The following ARHGAP10 variants were observed in gnomAD, a reference collection of about 807,000 sequenced individuals.
ARHGAP10 encodes Rho GTPase activating protein 10.
In ARHGAP10, 87 loss-of-function variants were observed where a neutral mutation model predicts 108.6. That is an observed-to-expected ratio of 0.80 (90% CI 0.67 to 0.96). The LOEUF (loss-of-function observed/expected upper bound fraction) is 0.96, where lower values mean the gene tolerates loss of function less well. ARHGAP10 is among the 40% of genes least tolerant of loss of function. ARHGAP10 has a pLI of 0.00. For synonymous variants in ARHGAP10, 347 were observed against 341.1 expected (o/e 1.02, Z -0.19); for missense variants, 939 against 954.5 (o/e 0.98, Z 0.21).
intron 1 of ARHGAP10, among the ~76,000 whole-genome samples, chr4:147,780,552 G>A (rs950201133): frequency 2.1e-4 from 5 of 23,970 alleles, no homozygotes; most frequent in Non-Finnish European, 6.3e-4. Context: ...TGGGAAGAAG[G>A]AGACTAGGAA....
intron 1 of ARHGAP10, among the ~76,000 whole-genome samples, chr4:147,809,679 C>G (rs911095689): frequency 6.6e-6 from 1 of 152,130 alleles, no homozygotes; most frequent in Non-Finnish European, 1.5e-5. Context: ...CTTTTCGGCA[C>G]CAGGGACTGG....
In ARHGAP10 at chr4:147,909,722, CTT is replaced by C. The variant is rs1340838617; in HGVS notation, c.1117-7_1117-6del. The C allele has an allele frequency of 3.1e-6, 5 of 1,608,454 alleles. No individual in the cohort carries two copies. Among genetic ancestry groups the C allele is most frequent in the Non-Finnish European group, 4.3e-6 (5 of 1,175,696 alleles). ...TTAAAAAATTCTGTTTTTCCATTCTCTTTTATTAGCTGTCCCATAGTTTTAAT... is the reference window on the plus strand; with the variant it reads ...TTAAAAAATTCTGTTTTTCCATTCTCTTATTAGCTGTCCCATAGTTTTAAT... On this transcript the variant is annotated splice_polypyrimidine_tract_variant and splice_region_variant and intron_variant, in intron 11 of 22. Transcript: ENST00000336498.
At chr4:147,978,052 A>G (rs1739664893) in intron 18 of ARHGAP10, among the ~76,000 whole-genome samples, 1 of 152,078 alleles carries the variant, frequency 6.6e-6, no homozygotes, top group Non-Finnish European at 1.5e-5. Context: ...CATTTTCTTT[A>G]TCCACTCCAC....
chr4:148,011,389 C>G (rs1195249474), intron 18 of ARHGAP10, among the ~76,000 whole-genome samples: 1 of 152,210 alleles, frequency 6.6e-6, no homozygotes, highest in African/African-American at 2.4e-5. Flanking sequence ...CTTCTGCACT[C>G]ACATCTGGTG....
In ARHGAP10 at chr4:148,011,747, A is replaced by C. The variant is rs560515240; in HGVS notation, c.1717-11516A>C. 9.8e-5 allele frequency among the ~76,000 whole-genome samples: 15 copies of C among 152,294 alleles called. No homozygotes were observed. In the East Asian group the frequency reaches 2.9e-3, roughly 29 times the overall value. On this transcript the variant is annotated intron_variant, in intron 18 of 22. Transcript: ENST00000336498. Reference sequence around the variant, plus strand: ...ACAGGTAGTGACTGCTTTATTTCCTAATTGTAAATATAGCCATTTTCTCTT... The same window carrying C: ...ACAGGTAGTGACTGCTTTATTTCCTCATTGTAAATATAGCCATTTTCTCTT...
intron 13 of ARHGAP10, among the ~76,000 whole-genome samples, chr4:147,914,352 T>G (rs1328367426): frequency 2.0e-5 from 3 of 151,948 alleles, no homozygotes; most frequent in African/African-American, 7.3e-5. Context: ...TGCGTTGCAT[T>G]TTTATTTTTA....
intron 3 of ARHGAP10, among the ~76,000 whole-genome samples, chr4:147,836,765 G>T (rs572213827): frequency 6.6e-6 from 1 of 151,850 alleles, no homozygotes; most frequent in Admixed American, 6.5e-5. Flanking sequence ...ATTAGCTTGA[G>T]CTGTGCTTGA....
At chr4:147,850,943 A>G (rs1290577918) in intron 4 of ARHGAP10, among the ~76,000 whole-genome samples, 1 of 152,124 alleles carries the variant, frequency 6.6e-6, no homozygotes, top group Admixed American at 6.5e-5. Context: ...TTGAACAAAA[A>G]CTCTGAGAAA....
chr4:148,070,051 A>G (rs942137010), intron 22 of ARHGAP10, among the ~76,000 whole-genome samples: 4 of 152,246 alleles, frequency 2.6e-5, no homozygotes, highest in Non-Finnish European at 5.9e-5. Flanking sequence ...TTACTCAGTC[A>G]TTACACAGAT....
chr4:147,854,768 T>G, intron 4 of ARHGAP10: 1 of 985,106 alleles, frequency 1.0e-6, no homozygotes, highest in South Asian at 4.7e-5. Flanking sequence ...CGTTTTAAGA[T>G]TCAGAAACAA....
At chr4:148,027,510 C>CA (rs1290456247) in intron 19 of ARHGAP10, among the ~76,000 whole-genome samples, 1 of 151,918 alleles carries the variant, frequency 6.6e-6, no homozygotes, top group Non-Finnish European at 1.5e-5. Context: ...GCCTTCTCAG[C>CA]AAAAAAATGA....
chr4:147,955,459 T>C, intron 16 of ARHGAP10, 85 bp downstream of exon 16: 1 of 1,179,088 alleles, frequency 8.5e-7, no homozygotes, highest in East Asian at 2.4e-5. Flanking sequence ...AAAATTCAAC[T>C]TGTTATTGCA....
At chr4:147,958,832 A>T (rs1177393238) in intron 16 of ARHGAP10, among the ~76,000 whole-genome samples, 1 of 152,206 alleles carries the variant, frequency 6.6e-6, no homozygotes, top group African/African-American at 2.4e-5. Flanking sequence ...AAGCTCCATG[A>T]TCACATCTTT....
At chr4:147,862,634 A>G (rs1734372350) in intron 5 of ARHGAP10, 1 of 152,276 alleles carries the variant, frequency 6.6e-6, no homozygotes, top group Non-Finnish European at 1.5e-5. Flanking sequence ...AGCATGTGGC[A>G]CAACAGTTCT....
At chr4:147,795,608 G>A (rs116331883) in intron 1 of ARHGAP10, among the ~76,000 whole-genome samples, 2,181 of 152,094 alleles carry the variant, frequency 0.014, 54 homozygotes, top group African/African-American at 0.049. Flanking sequence ...TGCTTGGTAC[G>A]TAGTAGGTGC....
Position 148,064,405 on chromosome 4 carries a change from T to G in ARHGAP10, c.2181-11T>G, listed in dbSNP as rs1401274854. The G allele has an allele frequency of 9.9e-6, 16 of 1,612,928 alleles. No individual in the cohort carries two copies. Among genetic ancestry groups the G allele is most frequent in the Non-Finnish European group, 1.4e-5 (16 of 1,179,428 alleles). On this transcript the variant is annotated splice_polypyrimidine_tract_variant and intron_variant, in intron 21 of 22. Coordinates refer to ENST00000336498, the MANE Select transcript of ARHGAP10 (RefSeq NM_024605.4). Reference sequence around the variant, plus strand: ...TTTCATTGGTGTCTTTTGTATTCTCTTTCTTTTCAGCATCCGCAGTCGGAA... The same window carrying G: ...TTTCATTGGTGTCTTTTGTATTCTCGTTCTTTTCAGCATCCGCAGTCGGAA...
intron 1 of ARHGAP10, among the ~76,000 whole-genome samples, chr4:147,814,982 C>T (rs2126776916): frequency 6.6e-6 from 1 of 152,302 alleles, no homozygotes; most frequent in African/African-American, 2.4e-5. Context: ...ACCCATTAAA[C>T]CAGGCTTTCT....
intron 19 of ARHGAP10, among the ~76,000 whole-genome samples, chr4:148,037,930 G>A (rs1477073530): frequency 6.6e-6 from 1 of 151,886 alleles, no homozygotes; most frequent in Non-Finnish European, 1.5e-5. Flanking sequence ...TATGCTGGCT[G>A]AAGCTTTTCA....
At chr4:147,918,036 C>T (rs72959724) in intron 13 of ARHGAP10, among the ~76,000 whole-genome samples, 2 of 151,756 alleles carry the variant, frequency 1.3e-5, no homozygotes, top group Non-Finnish European at 2.9e-5. Flanking sequence ...AATCTTACTG[C>T]TTCTACAACA....
Sources: allele counts gnomAD v4.1 joint callset (sites outside exome capture counted in the v4.1 genomes callset), GRCh38; gene constraint gnomAD v4.1.1; transcripts MANE v1.5; gene names NCBI Gene and HGNC (gene_info 2026-07-23, HGNC 2026-07-21).